Variants in CERS6 observed in about 807,000 individuals in gnomAD.
CERS6 encodes LAG1 homolog, ceramide synthase 6.
In CERS6, 26 loss-of-function variants were observed where a neutral mutation model predicts 56.8. The ratio of observed to expected loss-of-function variants is 0.46; its 90% CI spans 0.34 to 0.63. The LOEUF (loss-of-function observed/expected upper bound fraction) is 0.63, where lower values mean the gene tolerates loss of function less well. Ranked by LOEUF, CERS6 falls within the 30% of genes least tolerant of loss-of-function variation. The probability of loss-of-function intolerance (pLI) is 0.01; values close to 1 mark genes in which losing one functional copy is unlikely to be tolerated. For missense variants in CERS6, 415 were observed against 467.5 expected, an observed-to-expected ratio of 0.89 and a Z score of 1.04; for synonymous variants, 164 against 173.3, an observed-to-expected ratio of 0.95 and a Z score of 0.42.
Position 168,770,458 on chromosome 2 carries a change from C to T in CERS6, c.*796C>T, listed in dbSNP as rs1684835061. On this transcript the variant is annotated 3_prime_UTR_variant, in exon 10 of 10. Transcript: ENST00000305747. ...TTTTGAAGGAGGATATTCACTGAAG[C>T]TCATAGTTATAAACAAGGAAATCAC... The T allele has an allele frequency of 6.6e-6, 1 of 152,384 alleles. No homozygotes were observed. The highest frequency in any genetic ancestry group is 2.4e-5 in the African/African-American group (1 of 41,432). 9.4% of individuals were successfully genotyped at this position (152,384 alleles called of 1,614,324 possible).
intron 1 of CERS6, among the ~76,000 whole-genome samples, chr2:168,477,805 T>C (rs959838566): frequency 6.6e-6 from 1 of 152,232 alleles, no homozygotes; most frequent in Non-Finnish European, 1.5e-5. Context: ...CGCTTGCCAA[T>C]TGACTGTGTG....
At chr2:168,467,914 C>T (rs1558960695) in intron 1 of CERS6, among the ~76,000 whole-genome samples, 1 of 152,130 alleles carries the variant, frequency 6.6e-6, no homozygotes, top group Non-Finnish European at 1.5e-5. Context: ...CTTGTGGAAG[C>T]AGTAGGGCCT....
Position 168,456,885 on chromosome 2 carries a change from G to T in CERS6, c.170+267G>T, listed in dbSNP as rs552078409. 6.6e-6 allele frequency among the ~76,000 whole-genome samples: 1 copy of T among 152,196 alleles called. No individual in the cohort carries two copies. The highest frequency in any genetic ancestry group is 6.5e-5 in the Admixed American group (1 of 15,282). ...GCCCCCTGCCCTCCTCCTGGGCCCT[G>T]CTCTCCTCCCGGCAAGGGCAGGCGA... On this transcript the variant is annotated intron_variant, in intron 1 of 9. Transcript: ENST00000305747. The surrounding 1 kb of genome is among the most constrained non-coding windows in gnomAD (Gnocchi z 4.1).
Position 168,631,361 on chromosome 2 carries a change from A to G in CERS6, c.465+319A>G. On this transcript the variant is annotated intron_variant, in intron 4 of 9. Coordinates refer to ENST00000305747, the MANE Select transcript of CERS6 (RefSeq NM_203463.3). ...TTGTTGCAGCATGTATTACCACTGT[A>G]CTCTTCACCAGTAGAAATAACTATA... Among the ~76,000 whole-genome samples, 2 of 141,138 alleles carry G rather than the reference A, an allele frequency of 1.4e-5. 1 individual carries two copies. The highest frequency in any genetic ancestry group is 6.7e-3 in the Middle Eastern group (2 of 298). The allele number at this position is 141,138 out of a possible 152,430, so 92.6% of individuals were successfully genotyped here. A position where few individuals can be genotyped will look rare whatever the true frequency, so the allele number is the denominator to read the frequency against.
At chr2:168,531,514 A>G (rs777742789) in intron 1 of CERS6, among the ~76,000 whole-genome samples, 1 of 152,048 alleles carries the variant, frequency 6.6e-6, no homozygotes. Context: ...TTCCCATAAC[A>G]TGTTTCCCAT....
chr2:168,505,050 C>A (rs974733379), intron 1 of CERS6, among the ~76,000 whole-genome samples: 1 of 151,914 alleles, frequency 6.6e-6, no homozygotes, highest in Admixed American at 6.6e-5. Flanking sequence ...GAAGGAGAGA[C>A]CTGCAGAATG....
At chr2:168,764,270 G>C (rs1684665332) in intron 8 of CERS6, among the ~76,000 whole-genome samples, 1 of 151,994 alleles carries the variant, frequency 6.6e-6, no homozygotes. Context: ...AGCCTCCCTA[G>C]TAGCTGGGAC....
chr2:168,730,377 G>A (rs1413465440), intron 8 of CERS6, among the ~76,000 whole-genome samples: 1 of 152,222 alleles, frequency 6.6e-6, no homozygotes, highest in African/African-American at 2.4e-5. Context: ...CTGGCTAGCT[G>A]TGACCAGCAG....
chr2:168,610,107 A>G (rs1574098429), intron 3 of CERS6, among the ~76,000 whole-genome samples: 2 of 150,636 alleles, frequency 1.3e-5, no homozygotes, highest in Admixed American at 1.3e-4. Context: ...CCTCCCAAGT[A>G]GCTGGGACTA....
chr2:168,479,710 G>A (rs942846019), intron 1 of CERS6, among the ~76,000 whole-genome samples: 1 of 152,132 alleles, frequency 6.6e-6, no homozygotes, highest in African/African-American at 2.4e-5. Context: ...CTGTGTTTAA[G>A]TGATTCTCCT....
intron 3 of CERS6, among the ~76,000 whole-genome samples, chr2:168,582,215 G>T (rs76934977): frequency 7.2e-5 from 11 of 152,128 alleles, no homozygotes; most frequent in African/African-American, 9.7e-5. Flanking sequence ...CTTAATATGC[G>T]CAGTGTCTTC....
intron 4 of CERS6, among the ~76,000 whole-genome samples, chr2:168,642,411 A>G (rs1685072021): frequency 6.6e-6 from 1 of 152,110 alleles, no homozygotes; most frequent in Non-Finnish European, 1.5e-5. Flanking sequence ...ATTTTCCAGT[A>G]TTTTTGTCTT....
chr2:168,511,959 C>G (rs1335543386), intron 1 of CERS6, among the ~76,000 whole-genome samples: 1 of 151,776 alleles, frequency 6.6e-6, no homozygotes, highest in Non-Finnish European at 1.5e-5. Context: ...TGCACACACA[C>G]ACACACACAC....
intron 3 of CERS6, among the ~76,000 whole-genome samples, chr2:168,613,726 C>T (rs1480666416): frequency 2.0e-5 from 3 of 152,102 alleles, no homozygotes; most frequent in Non-Finnish European, 4.4e-5. Flanking sequence ...TTTCATGCTG[C>T]TCATTTTCTA....
Position 168,694,977 on chromosome 2 carries a change from C to A in CERS6, c.535C>A (p.His179Asn). 2 of 1,613,466 alleles carry A rather than the reference C, an allele frequency of 1.2e-6. No homozygotes were observed. Among genetic ancestry groups the A allele is most frequent in the African/African-American group, 1.3e-5 (1 of 74,980 alleles). Residue 179 changes from histidine (H) to asparagine (N), a missense_variant, in exon 6 of 10, where the codon CAC becomes AAC. Physicochemically the swap from His to Asn is moderately conservative, Grantham distance 68. Transcript: ENST00000305747. ...YPYQPLTTDL[H>N]YYYILELSFY... ...CCTTCAGCCACTCACAACTGACCTTCACTACTATTACATCCTGGAGCTGTC... is the reference window on the plus strand; with the variant it reads ...CCTTCAGCCACTCACAACTGACCTTAACTACTATTACATCCTGGAGCTGTC...
chr2:168,470,065 C>T (rs1235639585), intron 1 of CERS6, among the ~76,000 whole-genome samples: 2 of 151,994 alleles, frequency 1.3e-5, no homozygotes, highest in Non-Finnish European at 2.9e-5. Context: ...AACAGCTGGT[C>T]ACTCTACCTG....
intron 1 of CERS6, among the ~76,000 whole-genome samples, chr2:168,533,053 G>GTAAC (rs1315119970): frequency 6.6e-6 from 1 of 152,094 alleles, no homozygotes; most frequent in Non-Finnish European, 1.5e-5. Context: ...AACCCTAAAA[G>GTAAC]GTTATTGCCT....
At chr2:168,527,419 T>G (rs1695090056) in intron 1 of CERS6, among the ~76,000 whole-genome samples, 1 of 152,180 alleles carries the variant, frequency 6.6e-6, no homozygotes, top group Non-Finnish European at 1.5e-5. Flanking sequence ...CTTCTTGGTG[T>G]TGTACATTCT....
chr2:168,616,539 A>G (rs1340570582), intron 3 of CERS6, among the ~76,000 whole-genome samples: 1 of 152,244 alleles, frequency 6.6e-6, no homozygotes, highest in Non-Finnish European at 1.5e-5. Context: ...AGGAGTGGAA[A>G]AAGACTTTCC....
Sources: gnomAD v4.1 joint callset for allele counts (sites outside exome capture counted in the v4.1 genomes callset) on GRCh38, gnomAD v4.1.1 for gene constraint, Gnocchi (gnomAD v3.1) non-coding constraint, MANE v1.5 for transcripts, NCBI Gene and HGNC (gene_info 2026-07-23, HGNC 2026-07-21) for gene names.